The following ARHGAP15 variants were observed in gnomAD, a reference collection of about 807,000 sequenced individuals.
ARHGAP15 encodes Rho GTPase activating protein 15, also known as rho GTPase-activating protein 15.
A neutral mutation model predicts 63.7 loss-of-function variants in ARHGAP15; 51 were observed. The ratio of observed to expected loss-of-function variants is 0.80; its 90% CI spans 0.64 to 1.01. ARHGAP15 has a LOEUF of 1.01. Among genes scored for constraint, ARHGAP15 ranks in the 50% least tolerant of loss-of-function variants. ARHGAP15 has a pLI of 0.00. For missense variants in ARHGAP15, 560 were observed against 564.6 expected, an observed-to-expected ratio of 0.99 and a Z score of 0.08; for synonymous variants, 191 against 193.8, an observed-to-expected ratio of 0.99 and a Z score of 0.12.
chr2:143,161,781 T>G (rs1227910809), intron 2 of ARHGAP15, among the ~76,000 whole-genome samples: 1 of 151,868 alleles, frequency 6.6e-6, no homozygotes, highest in South Asian at 2.1e-4. Flanking sequence ...AAGAAATGAT[T>G]GATTAAGTGT....
chr2:143,431,288 T>C (rs983120049), intron 6 of ARHGAP15, among the ~76,000 whole-genome samples: 8 of 152,084 alleles, frequency 5.3e-5, no homozygotes, highest in African/African-American at 1.4e-4. Context: ...AAGATCTTTG[T>C]AATCTCTTAA....
chr2:143,211,603 T>C (rs1181511851), intron 3 of ARHGAP15, among the ~76,000 whole-genome samples: 4 of 152,054 alleles, frequency 2.6e-5, no homozygotes, highest in Non-Finnish European at 5.9e-5. Flanking sequence ...AGAGAGATGA[T>C]GCAGAGTTCT....
intron 12 of ARHGAP15, among the ~76,000 whole-genome samples, chr2:143,645,292 T>A (rs1477007863): frequency 6.6e-6 from 1 of 152,102 alleles, no homozygotes; most frequent in African/African-American, 2.4e-5. Flanking sequence ...TAACTCTAAG[T>A]CTACACTGTC....
intron 8 of ARHGAP15, among the ~76,000 whole-genome samples, chr2:143,456,102 C>G (rs939689263): frequency 1.3e-5 from 2 of 152,086 alleles, no homozygotes; most frequent in Non-Finnish European, 2.9e-5. Context: ...CAGCTTAAAT[C>G]CTGACGCTGC....
Position 143,684,247 on chromosome 2 carries a change from T to C in ARHGAP15, c.1139-19172T>C, listed in dbSNP as rs139350248. On this transcript the variant is annotated intron_variant, in intron 12 of 13. Transcript: ENST00000295095. ...GCAAGGTAAATCATCCACTACACAC[T>C]ACCACCCTGATAACCACCTTGTGCC... Among the ~76,000 whole-genome samples, 91 of 152,298 alleles carry C rather than the reference T, an allele frequency of 6.0e-4. 1 individual carries two copies. Among genetic ancestry groups the C allele is most frequent in the African/African-American group, 2.0e-3 (85 of 41,576 alleles).
At chr2:143,257,808 C>T (rs534798307) in intron 6 of ARHGAP15, among the ~76,000 whole-genome samples, 27 of 152,134 alleles carry the variant, frequency 1.8e-4, no homozygotes, top group African/African-American at 5.8e-4. Flanking sequence ...GAAACCACTG[C>T]CACTGGGGAA....
In ARHGAP15 at chr2:143,321,207, C is replaced by G. The variant is rs543237469; in HGVS notation, c.474+70607C>G. 5.3e-5 allele frequency among the ~76,000 whole-genome samples: 8 copies of G among 152,302 alleles called. No homozygotes were observed. The South Asian group carries it at 1.7e-3, about 32-fold the overall frequency. On this transcript the variant is annotated intron_variant, in intron 6 of 13. Coordinates refer to ENST00000295095, the MANE Select transcript of ARHGAP15 (RefSeq NM_018460.4). ...AAAGGCCTCAGAGAACTAGAACAAG[C>G]ACACTCAAGTGTATACAAAACATAT...
intron 12 of ARHGAP15, among the ~76,000 whole-genome samples, chr2:143,673,975 A>T (rs892661507): frequency 6.6e-6 from 1 of 151,698 alleles, no homozygotes; most frequent in South Asian, 2.1e-4. Context: ...CAAAAAGGCT[A>T]AAATTAAAAA....
intron 8 of ARHGAP15, among the ~76,000 whole-genome samples, chr2:143,473,897 A>G (rs895069327): frequency 6.6e-5 from 10 of 152,160 alleles, no homozygotes; most frequent in African/African-American, 9.7e-5. Flanking sequence ...TTAAAACCCA[A>G]AGACTTTTCT....
At chr2:143,287,209 A>T (rs1389245546) in intron 6 of ARHGAP15, among the ~76,000 whole-genome samples, 9 of 152,170 alleles carry the variant, frequency 5.9e-5, no homozygotes, top group Non-Finnish European at 1.3e-4. Context: ...TAACAAAATA[A>T]ATTATATTAG....
chr2:143,154,160 T>C (rs1237678545), intron 1 of ARHGAP15, among the ~76,000 whole-genome samples: 4 of 151,950 alleles, frequency 2.6e-5, no homozygotes, highest in South Asian at 2.1e-4. Context: ...ATTTTTTTCT[T>C]ATAAAAATAT....
chr2:143,158,211 T>A (rs1690157063), intron 2 of ARHGAP15, among the ~76,000 whole-genome samples: 1 of 151,926 alleles, frequency 6.6e-6, no homozygotes, highest in Non-Finnish European at 1.5e-5. Context: ...CACAAATTCA[T>A]AAATTCCTCT....
chr2:143,132,711 T>C (rs1688959338), intron 1 of ARHGAP15, among the ~76,000 whole-genome samples: 1 of 152,190 alleles, frequency 6.6e-6, no homozygotes, highest in African/African-American at 2.4e-5. Context: ...GAAATTAAAA[T>C]GCTTTCCCCA....
intron 2 of ARHGAP15, among the ~76,000 whole-genome samples, chr2:143,200,742 A>G (rs1241293424): frequency 6.6e-6 from 1 of 152,106 alleles, no homozygotes; most frequent in African/African-American, 2.4e-5. Flanking sequence ...GAAAAAGAAC[A>G]TTAAGATTTA....
chr2:143,384,902 A>C (rs1229779962), intron 6 of ARHGAP15, among the ~76,000 whole-genome samples: 1 of 152,174 alleles, frequency 6.6e-6, no homozygotes, highest in African/African-American at 2.4e-5. Context: ...CAGAGAAAAA[A>C]ACTTTTCCCC....
chr2:143,476,058 A>G (rs1241400843), intron 8 of ARHGAP15, among the ~76,000 whole-genome samples: 1 of 152,146 alleles, frequency 6.6e-6, no homozygotes, highest in Non-Finnish European at 1.5e-5. Flanking sequence ...AGGGGTGCCA[A>G]TTTCAGGAAT....
intron 11 of ARHGAP15, among the ~76,000 whole-genome samples, chr2:143,562,911 T>C (rs1696087655): frequency 1.3e-5 from 2 of 152,206 alleles, no homozygotes; most frequent in African/African-American, 2.4e-5. Context: ...CCTGACAGTC[T>C]CCAAGACACA....
chr2:143,238,864 TA>T (rs1693756009), intron 5 of ARHGAP15, among the ~76,000 whole-genome samples: 1 of 152,160 alleles, frequency 6.6e-6, no homozygotes, highest in Non-Finnish European at 1.5e-5. Flanking sequence ...TGTGCAGCTA[TA>T]AAAAGGAATG....
intron 8 of ARHGAP15, among the ~76,000 whole-genome samples, chr2:143,469,200 C>A (rs1027845149): frequency 5.9e-5 from 9 of 151,934 alleles, no homozygotes; most frequent in Non-Finnish European, 1.5e-5. Context: ...CCATTCACAC[C>A]TGACAGATAT....
Sources: allele counts gnomAD v4.1 joint callset (sites outside exome capture counted in the v4.1 genomes callset), GRCh38; gene constraint gnomAD v4.1.1; transcripts MANE v1.5; gene names NCBI Gene and HGNC (gene_info 2026-07-23, HGNC 2026-07-21).